AHNAK: variants seen among roughly 807,000 people sequenced by gnomAD.
AHNAK encodes neuroblast differentiation-associated protein AHNAK.
AHNAK carries 23 observed loss-of-function variants against 37.8 expected under a neutral mutation model. That is an observed-to-expected ratio of 0.61 (90% CI 0.44 to 0.86). The LOEUF (loss-of-function observed/expected upper bound fraction) is 0.86. AHNAK is among the 40% of genes least tolerant of loss of function. AHNAK has a pLI of 0.00. For missense variants in AHNAK, 7,411 were observed against 7,319.4 expected (o/e 1.01, Z -0.46); for synonymous variants, 2,481 against 2,636.3 (o/e 0.94, Z 1.80).
intron 5 of AHNAK, among the ~76,000 whole-genome samples, chr11:62,474,329 T>C (rs1186848214): frequency 6.6e-6 from 1 of 151,636 alleles, no homozygotes; most frequent in Non-Finnish European, 1.5e-5. Context: ...GGATTACAGG[T>C]GCATGCCACC....
intron 4 of AHNAK, among the ~76,000 whole-genome samples, chr11:62,501,943 A>T (rs954706300): frequency 1.3e-5 from 2 of 152,116 alleles, no homozygotes; most frequent in African/African-American, 4.8e-5. Flanking sequence ...AGGGAAGGAG[A>T]ACAAAAGAAT....
At position 62,522,060 on chromosome 11, in the gene AHNAK, C is replaced by T; in HGVS notation, c.12357G>A (p.Met4119Ile). 1 of 1,614,016 alleles carries T rather than the reference C, an allele frequency of 6.2e-7. No individual in the cohort carries two copies. The highest frequency in any genetic ancestry group is 8.5e-7 in the Non-Finnish European group (1 of 1,179,986). ...TCGGTGCCTTGAGGTGCAGGTCAGG[C>T]ATTTTAAATTTGGGGCCCTTCAGTT... ...EGKLKGPKFK[M>I]PDLHLKAPKI... is the part of the protein sequence containing the mutation. The change falls in exon 5 of 5, where the codon ATG becomes ATA. Residue 4119 changes from methionine (M) to isoleucine (I), a missense_variant. Transcript: ENST00000378024.
At chr11:62,459,947 C>G (rs1163326491) in intron 5 of AHNAK, among the ~76,000 whole-genome samples, 1 of 151,970 alleles carries the variant, frequency 6.6e-6, no homozygotes, top group Non-Finnish European at 1.5e-5. Flanking sequence ...CAAGGCCAGC[C>G]TTGTCTACAT....
In AHNAK at chr11:62,546,785, G is replaced by C. The variant is rs1941325944; in HGVS notation, c.-225C>G. ...GCAGGGCGGGCGGTGCAGTCCCCGC[G>C]GCAGAGCAGCTCCGAGTGGCCGGGC... is the stretch of plus-strand genomic sequence containing the variant. On this transcript the variant is annotated 5_prime_UTR_variant, in exon 1 of 5. Coordinates refer to ENST00000378024, the MANE Select transcript of AHNAK (RefSeq NM_001620.3). 6.5e-6 allele frequency: 1 copy of C among 152,908 alleles called. No homozygotes were observed. Among genetic ancestry groups the C allele is most frequent in the Admixed American group, 6.5e-5 (1 of 15,294 alleles). 9.5% of individuals were successfully genotyped at this position (152,908 alleles called of 1,614,324 possible).
chr11:62,535,248 A>T, intron 3 of AHNAK, 58 bp from the exon 4 acceptor site: 1 of 1,471,440 alleles, frequency 6.8e-7, no homozygotes, highest in East Asian at 2.3e-5. Flanking sequence ...GAAACCGCAC[A>T]CAGCCACCAC....
At chr11:62,492,444 C>T (rs904258072) in intron 4 of AHNAK, among the ~76,000 whole-genome samples, 1 of 152,166 alleles carries the variant, frequency 6.6e-6, no homozygotes, top group Non-Finnish European at 1.5e-5. Context: ...CCATGGGATT[C>T]CCTGACCAAT....
rs1196889289 is a variant in AHNAK at position 62,536,033 on chromosome 11, C to A, written c.66G>T (p.Gly22=). 5 of 1,611,800 alleles carry A rather than the reference C, an allele frequency of 3.1e-6. No homozygotes were observed. Among genetic ancestry groups the A allele is most frequent in the Non-Finnish European group, 3.4e-6 (4 of 1,178,850 alleles). Residue 22 remains glycine, a synonymous_variant, in exon 3 of 5, where the codon GGG becomes GGT. Coordinates refer to ENST00000378024, the MANE Select transcript of AHNAK (RefSeq NM_001620.3). The part of the protein sequence containing the change: ...LPNWQGSGSH[G]LTIAQRDDGV... ...CGTCGTCCCTCTGGGCGATGGTCAG[C>A]CCGTGGGAGCCACTACCCTGCCAGT...
At chr11:62,476,648 A>C (rs937757131) in intron 5 of AHNAK, among the ~76,000 whole-genome samples, 3 of 152,162 alleles carry the variant, frequency 2.0e-5, no homozygotes, top group Admixed American at 6.5e-5. Context: ...ACAAAAAAAA[A>C]CATCATTTTG....
chr11:62,477,854 C>T (rs1171469256), intron 5 of AHNAK, among the ~76,000 whole-genome samples: 3 of 151,712 alleles, frequency 2.0e-5, no homozygotes, highest in African/African-American at 7.3e-5. Flanking sequence ...AGCCCTGGGC[C>T]AAGGCTTTCC....
chr11:62,487,775 C>A (rs146707364), intron 5 of AHNAK, among the ~76,000 whole-genome samples: 1 of 152,162 alleles, frequency 6.6e-6, no homozygotes, highest in Admixed American at 6.6e-5. Flanking sequence ...AATGTTCAAA[C>A]GGGTTTTTTG....
At chr11:62,466,329 A>T (rs1286405598) in intron 5 of AHNAK, among the ~76,000 whole-genome samples, 3 of 152,006 alleles carry the variant, frequency 2.0e-5, no homozygotes, top group Admixed American at 6.6e-5. Context: ...CAAAAAAAAA[A>T]TTTTTGTTTT....
chr11:62,491,758 G>GC lies in AHNAK; in HGVS notation c.415dup (p.Ala139GlyfsTer23). ...TGCATTTGGGGTGGAGACTGAAACT[G>GC]CCCCGGCTTGGCTGCTGGCTTCCTT... On this transcript the variant is annotated frameshift_variant, in exon 5 of 6. Coordinates refer to the AHNAK transcript ENST00000257247. LOFTEE classifies it high-confidence loss of function. The GC allele has an allele frequency of 6.2e-7, 1 of 1,612,514 alleles. No individual in the cohort carries two copies. Among genetic ancestry groups the GC allele is most frequent in the Non-Finnish European group, 8.5e-7 (1 of 1,179,374 alleles).
At chr11:62,497,693 G>C (rs1415969937) in intron 4 of AHNAK, among the ~76,000 whole-genome samples, 1 of 152,210 alleles carries the variant, frequency 6.6e-6, no homozygotes. Context: ...AGGCGCGGTG[G>C]TTCACACCTG....
intron 5 of AHNAK, among the ~76,000 whole-genome samples, chr11:62,468,797 A>C (rs1327419209): frequency 6.6e-6 from 1 of 152,168 alleles, no homozygotes. Context: ...GCTTAAAACA[A>C]ACAAAAAAAT....
At position 62,518,639 on chromosome 11, in the gene AHNAK, G is replaced by A. The variant is rs760650288; in HGVS notation, c.15778C>T (p.Pro5260Ser). The A allele has an allele frequency of 1.2e-6, 2 of 1,614,174 alleles. No homozygotes were observed. The highest frequency in any genetic ancestry group is 1.7e-6 in the Non-Finnish European group (2 of 1,180,038). ...CCTCTCAAGTCTCCTTCAAGAGAGG[G>A]TAGCTGGGCATGGACCTCGGCTCCC... Reference protein sequence around the residue: ...GGGAEVHAQLPSLEGDLRGPD... With the variant: ...GGGAEVHAQLSSLEGDLRGPD... Residue 5260 changes from proline to serine, a missense_variant, in exon 5 of 5, where the codon CCC (proline) becomes TCC (serine). By Grantham distance (74) the Pro-to-Ser change is moderately conservative. Coordinates refer to ENST00000378024, the MANE Select transcript of AHNAK (RefSeq NM_001620.3).
At chr11:62,463,822 G>T (rs1478895331) in intron 5 of AHNAK, among the ~76,000 whole-genome samples, 2 of 151,980 alleles carry the variant, frequency 1.3e-5, no homozygotes, top group African/African-American at 4.8e-5. Flanking sequence ...GGAGTGCAAT[G>T]GTACGATCTC....
Position 62,525,885 on chromosome 11 carries a change from G to A in AHNAK, c.8532C>T (p.Leu2844=), listed in dbSNP as rs568854946. 4.3e-6 allele frequency: 7 copies of A among 1,614,086 alleles called. No homozygotes were observed. In the African/African-American group the frequency reaches 5.3e-5, roughly 12 times the overall value. Residue 2844 remains leucine (L), a synonymous_variant, in exon 5 of 5, where the codon CTC becomes CTT. Transcript: ENST00000378024. ...CATCTCCTTTTATTTTTGGACCTGTGAGATTCAGGTCAATATCTGGCATGG... is the reference window on the plus strand; with the variant it reads ...CATCTCCTTTTATTTTTGGACCTGTAAGATTCAGGTCAATATCTGGCATGG... The part of the protein sequence containing the change: ...KISMPDIDLN[L]TGPKIKGDVD...
intron 5 of AHNAK, chr11:62,433,936 C>T (rs745690602): frequency 1.2e-6 from 2 of 1,603,322 alleles, no homozygotes; most frequent in Non-Finnish European, 1.7e-6. Flanking sequence ...ACACTATTTG[C>T]ATCTCTCCAT....
intron 5 of AHNAK, among the ~76,000 whole-genome samples, chr11:62,453,640 A>G (rs1565199074): frequency 6.6e-6 from 1 of 152,136 alleles, no homozygotes; most frequent in African/African-American, 2.4e-5. Context: ...GTCTCAGTCC[A>G]CCAAAAGGGG....
Sources: allele counts gnomAD v4.1 joint callset (sites outside exome capture counted in the v4.1 genomes callset), GRCh38; gene constraint gnomAD v4.1.1; transcripts MANE v1.5; gene names NCBI Gene and HGNC (gene_info 2026-07-23, HGNC 2026-07-21).